KYAT1: variants seen among roughly 807,000 people sequenced by gnomAD.
KYAT1 encodes kynurenine--oxoglutarate transaminase 1.
In KYAT1, 47 loss-of-function variants were observed where a neutral mutation model predicts 52.4. The ratio of observed to expected loss-of-function variants is 0.90; its 90% CI spans 0.71 to 1.14. The LOEUF is 1.14. KYAT1 is among the 50% of genes most tolerant of loss of function. KYAT1 has a pLI of 0.00. For missense variants in KYAT1, 480 were observed against 557.9 expected, an observed-to-expected ratio of 0.86 and a Z score of 1.41; for synonymous variants, 212 against 209.6, an observed-to-expected ratio of 1.01 and a Z score of -0.10.
chr9:128,842,147 C>T lies in KYAT1; in HGVS notation c.201+507G>A, dbSNP rs753001813. Reference sequence around the variant, plus strand: ...GGTCAAGGCTGCAGTGGACCATGATCGCACCATTGCACTCCAGCCTGGATA... The same window carrying T: ...GGTCAAGGCTGCAGTGGACCATGATTGCACCATTGCACTCCAGCCTGGATA... On this transcript the variant is annotated intron_variant, in intron 3 of 12. Coordinates refer to ENST00000302586, the MANE Select transcript of KYAT1 (RefSeq NM_004059.5). 9.9e-5 allele frequency: 33 copies of T among 332,818 alleles called. 1 individual carries two copies. Among genetic ancestry groups the T allele is most frequent in the Non-Finnish European group, 1.8e-4 (29 of 160,694 alleles). The allele number at this position is 332,818 out of a possible 1,614,324, so 20.6% of individuals were successfully genotyped here. A position where few individuals can be genotyped will look rare whatever the true frequency, so the allele number is the denominator to read the frequency against.
intron 3 of KYAT1, among the ~76,000 whole-genome samples, chr9:128,840,985 T>C (rs1266412586): frequency 6.6e-6 from 1 of 152,258 alleles, no homozygotes; most frequent in African/African-American, 2.4e-5. Context: ...GCATTGCTTA[T>C]GATATTGAGA....
At position 128,835,350 on chromosome 9, in the gene KYAT1, G is replaced by A; in HGVS notation, c.1095C>T (p.Arg365=). Reference sequence around the variant, plus strand: ...TGTTCTTGATCATCCACTTGACGAAGCGTCTGTCATAGGGCTCATCCACAG... The same window carrying A: ...TGTTCTTGATCATCCACTTGACGAAACGTCTGTCATAGGGCTCATCCACAG... ...PGAVDEPYDR[R]FVKWMIKNKG... is the part of the protein sequence containing the mutation. The change falls in exon 11 of 13, where the codon CGC becomes CGT. Residue 365 remains arginine (R), a synonymous_variant. Coordinates refer to ENST00000302586, the MANE Select transcript of KYAT1 (RefSeq NM_004059.5). 3 of 1,613,860 alleles carry A rather than the reference G, an allele frequency of 1.9e-6. No individual in the cohort carries two copies. Among genetic ancestry groups the A allele is most frequent in the Non-Finnish European group, 2.5e-6 (3 of 1,179,936 alleles).
At chr9:128,876,606 A>C (rs947320105) in intron 1 of KYAT1, among the ~76,000 whole-genome samples, 1 of 142,384 alleles carries the variant, frequency 7.0e-6, no homozygotes. Flanking sequence ...TTTTTAGTAG[A>C]GACAGGGTTT....
At chr9:128,863,651 CA>C (rs1233725468) in intron 1 of KYAT1, among the ~76,000 whole-genome samples, 3 of 152,084 alleles carry the variant, frequency 2.0e-5, no homozygotes, top group African/African-American at 7.2e-5. Flanking sequence ...CAGAAGGGTA[CA>C]GGGGGCACGT....
intron 3 of KYAT1, chr9:128,840,597 A>G (rs1370857674): frequency 1.9e-5 from 8 of 431,928 alleles, no homozygotes; most frequent in Non-Finnish European, 3.7e-5. Flanking sequence ...GAAAGAAAAG[A>G]AAAAGATACA....
At chr9:128,882,478 TC>T (rs1035749537), upstream of KYAT1, 2 of 378,934 alleles carry the variant, frequency 5.3e-6, no homozygotes, top group Admixed American at 9.1e-5. Context: ...GCGAGCCCCC[TC>T]CCAGGCACCC....
intron 1 of KYAT1, among the ~76,000 whole-genome samples, chr9:128,850,380 T>C (rs199803200): frequency 3.3e-5 from 5 of 152,332 alleles, no homozygotes; most frequent in Non-Finnish European, 4.4e-5. Context: ...CACTTTGCCC[T>C]AACTTTGAGC....
At chr9:128,866,905 C>CAA (rs536684198) in intron 1 of KYAT1, among the ~76,000 whole-genome samples, 3 of 105,082 alleles carry the variant, frequency 2.9e-5, no homozygotes, top group Non-Finnish European at 2.0e-5. Context: ...GACTCTGTCT[C>CAA]AAAAAAAAAA....
intron 1 of KYAT1, among the ~76,000 whole-genome samples, chr9:128,876,253 T>A (rs4332225): frequency 0.045 from 6,468 of 142,522 alleles, 152 homozygotes; most frequent in Middle Eastern, 0.071. Context: ...TCTTTGCTTT[T>A]AAAAAAAAAA....
intron 1 of KYAT1, among the ~76,000 whole-genome samples, chr9:128,850,188 C>T (rs1238661524): frequency 6.6e-6 from 1 of 152,092 alleles, no homozygotes; most frequent in African/African-American, 2.4e-5. Flanking sequence ...GCCTGGCCAG[C>T]CCAGGCTGTT....
rs1384274200 is a variant in KYAT1, at chr9:128,847,465, C to T, written c.-6-2054G>A. 7.8e-6 allele frequency: 12 copies of T among 1,535,856 alleles called. No individual in the cohort carries two copies. In the Admixed American group the frequency reaches 2.2e-4, roughly 28 times the overall value. ...TGCAAGAACCAAGTGAGTGGGGCTC[C>T]AGCCTTCCTTCCCTGAAGGGGCCCC... On this transcript the variant is annotated intron_variant, in intron 1 of 12. Transcript: ENST00000302586.
At chr9:128,834,652 C>T (rs111792490) in intron 11 of KYAT1, among the ~76,000 whole-genome samples, 2 of 151,150 alleles carry the variant, frequency 1.3e-5, no homozygotes, top group South Asian at 2.1e-4. Context: ...GGTGAAACCC[C>T]GTCTCTACTA....
At position 128,836,733 on chromosome 9, in the gene KYAT1, GA is replaced by G. The variant is rs1373382639; in HGVS notation, c.688+68del. 3.7e-5 allele frequency: 58 copies of G among 1,566,622 alleles called. No homozygotes were observed. In the Middle Eastern group the frequency reaches 6.8e-4, roughly 18 times the overall value. ...GGGTTCTAACTACCAGGCCTGCGCT[GA>G]CTCTCAGGTGGGGTCAAGGCCCTCC... On this transcript the variant is annotated intron_variant, in intron 7 of 12. Transcript: ENST00000302586.
chr9:128,835,650 G>A lies in KYAT1; in HGVS notation c.873C>T (p.Ser291=), dbSNP rs1830930900. The A allele has an allele frequency of 6.2e-7, 1 of 1,610,446 alleles. No individual in the cohort carries two copies. Among genetic ancestry groups the A allele is most frequent in the African/African-American group, 1.3e-5 (1 of 74,942 alleles). ...PTQSQAAVAE[S]FEREQLLFRQ... is the part of the protein sequence containing the mutation. Reference sequence around the variant, plus strand: ...GGAAGAGCAGCTGCTCCCGTTCAAAGCTCTCGGCTACTGCAGCCTGGGCAG... The same window carrying A: ...GGAAGAGCAGCTGCTCCCGTTCAAAACTCTCGGCTACTGCAGCCTGGGCAG... Residue 291 remains serine, a synonymous_variant, in exon 10 of 13, where the codon AGC becomes AGT. Coordinates refer to ENST00000302586, the MANE Select transcript of KYAT1 (RefSeq NM_004059.5).
At chr9:128,849,795 C>CAA (rs763466379) in intron 1 of KYAT1, among the ~76,000 whole-genome samples, 1 of 66,998 alleles carries the variant, frequency 1.5e-5, no homozygotes. Flanking sequence ...GACTCTGTCT[C>CAA]AAAAAAAAAA....
At chr9:128,869,447 C>T (rs1022251077) in intron 1 of KYAT1, among the ~76,000 whole-genome samples, 9 of 152,194 alleles carry the variant, frequency 5.9e-5, no homozygotes, top group African/African-American at 2.2e-4. Context: ...TGGCGTGAGC[C>T]ACCGTACCCG....
At chr9:128,852,215 A>G (rs970172219) in intron 1 of KYAT1, among the ~76,000 whole-genome samples, 2 of 152,142 alleles carry the variant, frequency 1.3e-5, no homozygotes, top group African/African-American at 4.8e-5. Context: ...ATGCTGACTG[A>G]CTTAAGAGCT....
At position 128,842,725 on chromosome 9, in the gene KYAT1, C is replaced by A; in HGVS notation, c.130G>T (p.Asp44Tyr). The change falls in exon 3 of 13, where the codon GAC becomes TAC. Residue 44 changes from aspartate to tyrosine, a missense_variant. Transcript: ENST00000302586. ...TGCTGAAAGGCTTCCACGGCAAAGT[C>A]TGGTGGTGGGAAATCCGGGAAGCCC... ...GQGFPDFPPP[D>Y]FAVEAFQHAV... The A allele has an allele frequency of 6.2e-7, 1 of 1,614,194 alleles. No individual in the cohort carries two copies. The highest frequency in any genetic ancestry group is 1.1e-5 in the South Asian group (1 of 91,080).
chr9:128,869,906 A>G (rs1423262405), intron 1 of KYAT1, among the ~76,000 whole-genome samples: 1 of 152,018 alleles, frequency 6.6e-6, no homozygotes, highest in Non-Finnish European at 1.5e-5. Flanking sequence ...GGTGTTCGCC[A>G]CTACGCCCAG....
Sources: allele counts gnomAD v4.1 joint callset (sites outside exome capture counted in the v4.1 genomes callset), GRCh38; gene constraint gnomAD v4.1.1; transcripts MANE v1.5; gene names NCBI Gene and HGNC (gene_info 2026-07-23, HGNC 2026-07-21).